The following ARPC4 variants were observed in gnomAD, a reference collection of about 807,000 sequenced individuals.
The protein encoded by ARPC4 is actin related protein 2/3 complex subunit 4.
Under a neutral mutation model 22.8 loss-of-function variants are expected in ARPC4, and 3 were observed. That is an observed-to-expected ratio of 0.13 (90% confidence interval 0.06 to 0.34). ARPC4 has a LOEUF of 0.34. Among genes scored for constraint, ARPC4 ranks in the 10% least tolerant of loss-of-function variants. ARPC4 has a pLI of 1.00. For missense variants in ARPC4, 98 were observed against 211.0 expected (o/e 0.46, Z 3.32); for synonymous variants, 80 against 72.5 (o/e 1.10, Z -0.52).
At chr3:9,801,816 G>T in intron 4 of ARPC4, 60 bp downstream of exon 4, 5 of 1,491,796 alleles carry the variant, frequency 3.4e-6, no homozygotes, top group South Asian at 1.2e-5. Flanking sequence ...AATGGCCTGG[G>T]ATTGTTTCTA....
At position 9,796,399 on chromosome 3, in the gene ARPC4, ATAAATAT is replaced by A. The variant is rs1261485866; in HGVS notation, c.4-1256_4-1250del. ...ACAGAAGCGAGACTCCCTCTCAAAA[ATAAATAT>A]TAAGAAGACATGAAAGACATTTTTT... On this transcript the variant is annotated intron_variant, in intron 1 of 5. Coordinates refer to ENST00000397261, the MANE Select transcript of ARPC4 (RefSeq NM_005718.5). 2.6e-5 allele frequency among the ~76,000 whole-genome samples: 4 copies of A among 152,354 alleles called. No individual in the cohort carries two copies. The East Asian group carries it at 7.7e-4, about 29-fold the overall frequency.
At chr3:9,799,767 T>G in intron 2 of ARPC4, 1 of 435,234 alleles carries the variant, frequency 2.3e-6, no homozygotes, top group East Asian at 7.1e-5. Context: ...GATTTCAGAT[T>G]TGCAGATTGG....
intron 1 of ARPC4, 60 bp downstream of exon 1, chr3:9,793,184 C>A: frequency 6.6e-7 from 1 of 1,514,570 alleles, no homozygotes; most frequent in South Asian, 1.2e-5. Context: ...GGCAGTGGGT[C>A]GGTGGGAGAT....
In ARPC4 at chr3:9,797,692, C is replaced by A. The variant is rs1186468719; in HGVS notation, c.37C>A (p.Arg13=). 2 of 1,614,136 alleles carry A rather than the reference C, an allele frequency of 1.2e-6. No individual in the cohort carries two copies. The highest frequency in any genetic ancestry group is 1.1e-5 in the South Asian group (1 of 91,068). The part of the protein sequence containing the change: ...ATLRPYLSAV[R]ATLQAALCLE... ...TCTCCGCCCCTACCTGAGTGCCGTG[C>A]GGGCCACATTGCAGGCTGCCCTCTG... The change falls in exon 2 of 6, where the codon CGG becomes AGG. Residue 13 remains arginine, a synonymous_variant. Transcript: ENST00000397261.
intron 1 of ARPC4, among the ~76,000 whole-genome samples, chr3:9,793,978 CATATT>C (rs2078819617): frequency 6.6e-6 from 1 of 152,186 alleles, no homozygotes; most frequent in South Asian, 2.1e-4. Context: ...GTTCAAAACT[CATATT>C]CTATTCTAAA....
intron 1 of ARPC4, among the ~76,000 whole-genome samples, chr3:9,796,255 A>G (rs190294074): frequency 4.6e-5 from 7 of 152,314 alleles, no homozygotes; most frequent in South Asian, 2.1e-4. Flanking sequence ...TTAGCCAGGC[A>G]TGGTGATGTG....
At chr3:9,803,364 C>T (rs1261483488) in intron 4 of ARPC4, among the ~76,000 whole-genome samples, 2 of 152,204 alleles carry the variant, frequency 1.3e-5, no homozygotes, top group African/African-American at 4.8e-5. Context: ...CAAGTTCTTC[C>T]TCATTCTGAG....
At chr3:9,799,399 A>G (rs944122946) in intron 2 of ARPC4, among the ~76,000 whole-genome samples, 7 of 151,938 alleles carry the variant, frequency 4.6e-5, no homozygotes, top group East Asian at 1.9e-4. Flanking sequence ...AAATGCTCCA[A>G]TGAGGATCTC....
chr3:9,793,210 G>A, intron 1 of ARPC4, 86 bp downstream of exon 1: 1 of 1,493,888 alleles, frequency 6.7e-7, no homozygotes, highest in Non-Finnish European at 9.0e-7. Context: ...TTTGCCGCAG[G>A]GGCGCGGGGC....
At chr3:9,792,712 G>C, upstream of ARPC4, 1 of 1,234,434 alleles carries the variant, frequency 8.1e-7, no homozygotes, top group South Asian at 3.9e-5. Flanking sequence ...GCGGGTAGGA[G>C]GGGCGAGAGA....
At position 9,800,254 on chromosome 3, in the gene ARPC4, G is replaced by A. The variant is rs747298410; in HGVS notation, c.192G>A (p.Glu64=). Residue 64 remains glutamate (E), a synonymous_variant, in exon 3 of 6, where the codon GAG becomes GAA. Coordinates refer to ENST00000397261, the MANE Select transcript of ARPC4 (RefSeq NM_005718.5). ...ATGAGAAGGAAAAGGTTCTGATTGA[G>A]GGCTCCATCAACTCTGTCCGGGTCA... is the stretch of plus-strand genomic sequence containing the variant. ...SRNEKEKVLI[E]GSINSVRVSI... is the part of the protein sequence containing the mutation. 1 of 1,613,976 alleles carries A rather than the reference G, an allele frequency of 6.2e-7. No individual in the cohort carries two copies. The highest frequency in any genetic ancestry group is 8.5e-7 in the Non-Finnish European group (1 of 1,180,042).
At chr3:9,799,765 A>G (rs1343376482) in intron 2 of ARPC4, 1 of 434,228 alleles carries the variant, frequency 2.3e-6, no homozygotes, top group Non-Finnish European at 4.6e-6. Context: ...TGGATTTCAG[A>G]TTTGCAGATT....
intron 1 of ARPC4, among the ~76,000 whole-genome samples, chr3:9,794,303 T>C (rs540159071): frequency 2.0e-5 from 3 of 152,108 alleles, no homozygotes; most frequent in South Asian, 2.1e-4. Flanking sequence ...ATCGAGACCA[T>C]CCTGGCTAAC....
Position 9,806,366 on chromosome 3 carries a change from C to A in ARPC4, c.*151C>A. 1.1e-6 allele frequency: 1 copy of A among 909,864 alleles called. No individual in the cohort carries two copies. Among genetic ancestry groups the A allele is most frequent in the Non-Finnish European group, 1.8e-6 (1 of 554,850 alleles). 56.4% of individuals were successfully genotyped at this position (909,864 alleles called of 1,614,324 possible). ...GGGAGGTGGGTGGTGTGCTTGCTAG[C>A]TGGGCAAGAAAGCAGCAGTGGACCT... On this transcript the variant is annotated 3_prime_UTR_variant, in exon 6 of 6. Coordinates refer to ENST00000397261, the MANE Select transcript of ARPC4 (RefSeq NM_005718.5).
At chr3:9,802,920 G>A (rs556547631) in intron 4 of ARPC4, among the ~76,000 whole-genome samples, 10 of 151,890 alleles carry the variant, frequency 6.6e-5, no homozygotes, top group South Asian at 2.1e-4. Context: ...CGCCTGCCTC[G>A]GCCTCCCAAA....
upstream of ARPC4, chr3:9,792,951 A>C: frequency 7.1e-7 from 1 of 1,412,522 alleles, no homozygotes; most frequent in Non-Finnish European, 9.2e-7. Context: ...CCTAGGTGGA[A>C]AACTTCCGGA....
chr3:9,806,728 G>C lies in ARPC4; in HGVS notation c.*513G>C, dbSNP rs962959228. On this transcript the variant is annotated 3_prime_UTR_variant, in exon 6 of 6. Coordinates refer to ENST00000397261, the MANE Select transcript of ARPC4 (RefSeq NM_005718.5). ...TTATTCCCAAGCCTCCTTGGCCCCAGTATAAGTGTTGGGAACTCTCTGCCA... is the reference window on the plus strand; with the variant it reads ...TTATTCCCAAGCCTCCTTGGCCCCACTATAAGTGTTGGGAACTCTCTGCCA... 1.2e-5 allele frequency: 2 copies of C among 164,094 alleles called. No individual in the cohort carries two copies. Among genetic ancestry groups the C allele is most frequent in the African/African-American group, 2.4e-5 (1 of 41,520 alleles). The allele number at this position is 164,094 out of a possible 1,614,324, so 10.2% of individuals were successfully genotyped here. A position where few individuals can be genotyped will look rare whatever the true frequency, so the allele number is the denominator to read the frequency against.
chr3:9,792,766 C>T (rs1559723396), upstream of ARPC4: 22 of 1,246,998 alleles, frequency 1.8e-5, no homozygotes, highest in Non-Finnish European at 1.8e-5. Context: ...GGCTCGTCCG[C>T]TTCGGCTTGT....
chr3:9,803,030 C>G (rs937690952), intron 4 of ARPC4, among the ~76,000 whole-genome samples: 2 of 151,960 alleles, frequency 1.3e-5, no homozygotes, highest in Non-Finnish European at 2.9e-5. Context: ...ACTACAGGTG[C>G]CCGCCACCAT....
Sources: allele counts gnomAD v4.1 joint callset (sites outside exome capture counted in the v4.1 genomes callset), GRCh38; gene constraint gnomAD v4.1.1; transcripts MANE v1.5; gene names NCBI Gene and HGNC (gene_info 2026-07-23, HGNC 2026-07-21).